B4GALT6: variants seen among roughly 807,000 people sequenced by gnomAD.
B4GALT6 encodes UDP-Gal:beta-GlcNAc beta-1,4-galactosyltransferase 6.
B4GALT6 carries 14 observed loss-of-function variants against 46.3 expected under a neutral mutation model. That is an observed-to-expected ratio of 0.30 (90% CI 0.20 to 0.47). The LOEUF is 0.47. B4GALT6 is among the 20% of genes least tolerant of loss of function. The pLI, the probability that B4GALT6 is intolerant of heterozygous loss-of-function variation, is 0.99. For synonymous variants in B4GALT6, 168 were observed against 162.0 expected, an observed-to-expected ratio of 1.04 and a Z score of -0.28; for missense variants, 386 against 480.1, an observed-to-expected ratio of 0.80 and a Z score of 1.83.
chr18:31,626,354 T>C lies in B4GALT6; in HGVS notation c.930A>G (p.Arg310=). The C allele has an allele frequency of 6.2e-7, 1 of 1,605,996 alleles. No homozygotes were observed. Residue 310 remains arginine (R), a synonymous_variant, in exon 8 of 9, where the codon AGA becomes AGG. Transcript: ENST00000306851. ...TGTATTTTCCTAAGTCTCCCTCTGG[T>C]CTGGTTACATTATATCCAGCATAGT... ...RVHYAGYNVT[R]PEGDLGKYKS...
upstream of B4GALT6, among the ~76,000 whole-genome samples, chr18:31,690,176 C>A (rs980129016): frequency 6.6e-6 from 1 of 152,152 alleles, no homozygotes; most frequent in African/African-American, 2.4e-5. Flanking sequence ...GTTGTCCAGG[C>A]TGGAGTGCAG....
intron 1 of B4GALT6, among the ~76,000 whole-genome samples, chr18:31,671,866 T>C (rs184541465): frequency 1.3e-5 from 2 of 152,342 alleles, no homozygotes; most frequent in East Asian, 3.9e-4. Context: ...TCTAACTTCT[T>C]TACCAGTTCT....
the B4GALT6 span, among the ~76,000 whole-genome samples, chr18:31,717,069 C>A: frequency 6.6e-6 from 1 of 151,992 alleles, no homozygotes; most frequent in African/African-American, 2.4e-5. Context: ...TGCCACTACA[C>A]TCCAGCCTGG....
chr18:31,716,075 G>C, the B4GALT6 span, among the ~76,000 whole-genome samples: 1 of 152,042 alleles, frequency 6.6e-6, no homozygotes, highest in Non-Finnish European at 1.5e-5. Context: ...AGGTCTTCTG[G>C]GTTCCCATTT....
intron 1 of B4GALT6, among the ~76,000 whole-genome samples, chr18:31,666,620 C>T (rs994085026): frequency 1.3e-5 from 2 of 151,900 alleles, no homozygotes; most frequent in African/African-American, 4.8e-5. Flanking sequence ...ACTAACTGAA[C>T]AAACTAAAAT....
chr18:31,690,943 C>G, the B4GALT6 span, among the ~76,000 whole-genome samples: 7 of 151,816 alleles, frequency 4.6e-5, no homozygotes, highest in Non-Finnish European at 1.0e-4. Context: ...GGGAGGTGAA[C>G]AGTGAGAACA....
At chr18:31,695,291 T>A in the B4GALT6 span, among the ~76,000 whole-genome samples, 8 of 144,414 alleles carry the variant, frequency 5.5e-5, no homozygotes, top group Non-Finnish European at 7.5e-5. Flanking sequence ...TCCCTGAAAT[T>A]AAAAAAAAAA....
chr18:31,685,405 G>A (rs1420710209), upstream of B4GALT6, among the ~76,000 whole-genome samples: 1 of 151,518 alleles, frequency 6.6e-6, no homozygotes, highest in African/African-American at 2.4e-5. Context: ...AGCCGCGGAG[G>A]AAAACCGGGA....
At chr18:31,625,889 G>A (rs912840363) in intron 8 of B4GALT6, 128 bp from the exon 9 acceptor site, 5 of 752,426 alleles carry the variant, frequency 6.6e-6, no homozygotes, top group Non-Finnish European at 9.6e-6. Flanking sequence ...TGGTTCTTGT[G>A]CATAATTTAA....
At chr18:31,659,664 C>T (rs957131027) in intron 2 of B4GALT6, among the ~76,000 whole-genome samples, 1 of 152,168 alleles carries the variant, frequency 6.6e-6, no homozygotes, top group African/African-American at 2.4e-5. Context: ...GATGGTACAA[C>T]TGCTAAGGCC....
At chr18:31,705,809 G>T in the B4GALT6 span, among the ~76,000 whole-genome samples, 1 of 152,214 alleles carries the variant, frequency 6.6e-6, no homozygotes, top group African/African-American at 2.4e-5. Context: ...AGTAATTTCT[G>T]TAAGGTAGAA....
At chr18:31,632,233 C>T (rs2073800117) in intron 5 of B4GALT6, among the ~76,000 whole-genome samples, 1 of 152,098 alleles carries the variant, frequency 6.6e-6, no homozygotes, top group Admixed American at 6.6e-5. Context: ...CTAGGCCTTG[C>T]ACTAACTTGA....
chr18:31,689,794 G>A (rs2030049822), upstream of B4GALT6, among the ~76,000 whole-genome samples: 1 of 152,122 alleles, frequency 6.6e-6, no homozygotes, highest in East Asian at 1.9e-4. Context: ...TGGGTCCCAG[G>A]CAGCCCCCTG....
chr18:31,635,437 T>C (rs563218104), intron 5 of B4GALT6, among the ~76,000 whole-genome samples: 2 of 152,268 alleles, frequency 1.3e-5, no homozygotes, highest in South Asian at 2.1e-4. Context: ...CAGTACAGAT[T>C]GTTACATTAA....
At chr18:31,692,276 C>G in the B4GALT6 span, among the ~76,000 whole-genome samples, 1 of 152,120 alleles carries the variant, frequency 6.6e-6, no homozygotes, top group East Asian at 1.9e-4. Context: ...TTAAGAGATG[C>G]TGGCAAACAC....
At chr18:31,713,292 C>A in the B4GALT6 span, among the ~76,000 whole-genome samples, 1 of 152,204 alleles carries the variant, frequency 6.6e-6, no homozygotes, top group Non-Finnish European at 1.5e-5. Flanking sequence ...GTAGAGGCTG[C>A]AGTGAGCCAG....
chr18:31,668,699 T>C (rs1475909588), intron 1 of B4GALT6, among the ~76,000 whole-genome samples: 1 of 152,090 alleles, frequency 6.6e-6, no homozygotes, highest in Non-Finnish European at 1.5e-5. Flanking sequence ...TCATAAAAAG[T>C]CATCTAAAAG....
At chr18:31,668,776 G>A (rs1448032905) in intron 1 of B4GALT6, among the ~76,000 whole-genome samples, 4 of 151,028 alleles carry the variant, frequency 2.6e-5, no homozygotes, top group Non-Finnish European at 5.9e-5. Flanking sequence ...CAATACAGGC[G>A]ATCTCTTGAG....
intron 4 of B4GALT6, among the ~76,000 whole-genome samples, chr18:31,639,459 A>T (rs919259838): frequency 8.5e-5 from 13 of 152,352 alleles, no homozygotes; most frequent in African/African-American, 2.9e-4. Flanking sequence ...ATAGCATACA[A>T]AAAACCTCAA....
Sources: allele counts gnomAD v4.1 joint callset (sites outside exome capture counted in the v4.1 genomes callset), GRCh38; gene constraint gnomAD v4.1.1; transcripts MANE v1.5; gene names NCBI Gene and HGNC (gene_info 2026-07-23, HGNC 2026-07-21).